TMEM135: variants seen among roughly 807,000 people sequenced by gnomAD.
The protein encoded by TMEM135 is peroxisomal membrane protein 52.
TMEM135 carries 30 observed loss-of-function variants against 60.3 expected under a neutral mutation model. The ratio of observed to expected loss-of-function variants is 0.50; its 90% CI spans 0.37 to 0.68. The LOEUF (loss-of-function observed/expected upper bound fraction) is 0.68. Ranked by LOEUF, TMEM135 falls within the 30% of genes least tolerant of loss-of-function variation. The pLI is 0.00. For synonymous variants in TMEM135, 190 were observed against 186.7 expected, an observed-to-expected ratio of 1.02 and a Z score of -0.14; for missense variants, 468 against 548.8, an observed-to-expected ratio of 0.85 and a Z score of 1.47.
chr11:87,067,756 C>A lies in TMEM135; in HGVS notation c.204C>A (p.Ile68=). 6.2e-7 allele frequency: 1 copy of A among 1,613,944 alleles called. No homozygotes were observed. Among genetic ancestry groups the A allele is most frequent in the Non-Finnish European group, 8.5e-7 (1 of 1,179,930 alleles). ...DYYLHKLLPE[I]LQSASFLTAN... ...ATTTACACAAACTACTCCCTGAGAT[C>A]CTACAATCCGCTTCATTTCTAACTG... The change falls in exon 2 of 15, where the codon ATC becomes ATA. Residue 68 remains isoleucine, a synonymous_variant. Coordinates refer to ENST00000305494, the MANE Select transcript of TMEM135 (RefSeq NM_022918.4).
intron 3 of TMEM135, among the ~76,000 whole-genome samples, chr11:87,072,589 G>C (rs758680291): frequency 6.6e-6 from 1 of 151,978 alleles, no homozygotes; most frequent in East Asian, 1.9e-4. Flanking sequence ...CACCATGTTG[G>C]CCAGGCTGGT....
chr11:87,125,286 A>G (rs1007630202), intron 4 of TMEM135, among the ~76,000 whole-genome samples: 5 of 152,222 alleles, frequency 3.3e-5, no homozygotes, highest in Non-Finnish European at 7.3e-5. Flanking sequence ...TAATCCAATA[A>G]GTAAATAAAT....
intron 4 of TMEM135, among the ~76,000 whole-genome samples, chr11:87,122,165 C>T (rs1028305021): frequency 6.6e-6 from 1 of 152,084 alleles, no homozygotes; most frequent in Non-Finnish European, 1.5e-5. Context: ...TTTCTGCCTA[C>T]ATTATACATA....
intron 6 of TMEM135, among the ~76,000 whole-genome samples, chr11:87,251,762 A>G (rs897741059): frequency 6.6e-6 from 1 of 152,188 alleles, no homozygotes; most frequent in African/African-American, 2.4e-5. Flanking sequence ...GAGAAAAAAC[A>G]CTGAACTAAA....
chr11:87,171,074 C>A (rs1263141384), intron 5 of TMEM135, among the ~76,000 whole-genome samples: 1 of 151,922 alleles, frequency 6.6e-6, no homozygotes, highest in Non-Finnish European at 1.5e-5. Context: ...AAGGCTTTGC[C>A]AGTTAGGAGA....
At chr11:87,095,597 G>C (rs756688501) in intron 4 of TMEM135, 20 of 205,968 alleles carry the variant, frequency 9.7e-5, no homozygotes, top group Non-Finnish European at 1.9e-4. Flanking sequence ...GCCTGCCTAA[G>C]GCAAATTGAT....
At chr11:87,299,343 G>GC (rs1256974696) in intron 7 of TMEM135, among the ~76,000 whole-genome samples, 1 of 152,064 alleles carries the variant, frequency 6.6e-6, no homozygotes, top group Non-Finnish European at 1.5e-5. Flanking sequence ...GAGGGAGAGA[G>GC]CTAGAGTGAG....
intron 5 of TMEM135, among the ~76,000 whole-genome samples, chr11:87,200,637 A>G (rs192387535): frequency 2.5e-4 from 38 of 152,318 alleles, no homozygotes; most frequent in African/African-American, 7.9e-4. Flanking sequence ...CAATGTTCAT[A>G]GTTTACATTA....
At chr11:87,318,943 A>G (rs990022551) in intron 13 of TMEM135, 1 of 179,378 alleles carries the variant, frequency 5.6e-6, no homozygotes, top group Non-Finnish European at 1.1e-5. Flanking sequence ...ATCTCAGCTC[A>G]CTGCAACCTC....
At chr11:87,118,795 A>G (rs755018255) in intron 4 of TMEM135, among the ~76,000 whole-genome samples, 1 of 152,076 alleles carries the variant, frequency 6.6e-6, no homozygotes, top group Non-Finnish European at 1.5e-5. Context: ...TTTTTATGTT[A>G]TGGAGATAGC....
chr11:87,186,382 G>T (rs1360806060), intron 5 of TMEM135, among the ~76,000 whole-genome samples: 1 of 152,148 alleles, frequency 6.6e-6, no homozygotes, highest in Non-Finnish European at 1.5e-5. Flanking sequence ...CCAAGGGACT[G>T]TTGTTACTTC....
chr11:87,311,900 G>A (rs949710382), intron 10 of TMEM135, among the ~76,000 whole-genome samples: 5 of 151,680 alleles, frequency 3.3e-5, no homozygotes, highest in Non-Finnish European at 5.9e-5. Context: ...TATTAATATA[G>A]CTACTTCAAC....
chr11:87,147,867 C>G (rs1938458067), intron 4 of TMEM135, among the ~76,000 whole-genome samples: 1 of 152,198 alleles, frequency 6.6e-6, no homozygotes, highest in African/African-American at 2.4e-5. Context: ...AAGTGATTCT[C>G]CTGCCTCAGC....
chr11:87,179,966 C>G (rs1235255389), intron 5 of TMEM135, among the ~76,000 whole-genome samples: 1 of 151,962 alleles, frequency 6.6e-6, no homozygotes, highest in Non-Finnish European at 1.5e-5. Flanking sequence ...TTTTCTCTGC[C>G]CTTTTCCCCT....
chr11:87,304,197 C>G (rs1182689536), intron 8 of TMEM135, among the ~76,000 whole-genome samples: 1 of 151,996 alleles, frequency 6.6e-6, no homozygotes, highest in Non-Finnish European at 1.5e-5. Flanking sequence ...ATAGCAAGAC[C>G]CTGCCTCTAA....
At chr11:87,053,011 G>T (rs1339263823) in intron 1 of TMEM135, among the ~76,000 whole-genome samples, 1 of 125,844 alleles carries the variant, frequency 7.9e-6, no homozygotes, top group Non-Finnish European at 1.6e-5. Context: ...CATGTCCTTT[G>T]TAGGGACATG....
intron 4 of TMEM135, among the ~76,000 whole-genome samples, chr11:87,145,205 T>C (rs1938380784): frequency 6.6e-6 from 1 of 152,218 alleles, no homozygotes; most frequent in Admixed American, 6.5e-5. Flanking sequence ...TGGGTACGAC[T>C]TATACAGCAT....
At chr11:87,072,143 G>A (rs773951190) in intron 3 of TMEM135, among the ~76,000 whole-genome samples, 53 of 152,166 alleles carry the variant, frequency 3.5e-4, no homozygotes, top group Non-Finnish European at 6.9e-4. Context: ...ACAGTGAGCC[G>A]TGATCATGCC....
At chr11:87,176,998 T>C (rs983281566) in intron 5 of TMEM135, among the ~76,000 whole-genome samples, 6 of 152,186 alleles carry the variant, frequency 3.9e-5, no homozygotes, top group Non-Finnish European at 5.9e-5. Context: ...ATTAATATAA[T>C]ATACATGCTA....
Sources: allele counts gnomAD v4.1 joint callset (sites outside exome capture counted in the v4.1 genomes callset), GRCh38; gene constraint gnomAD v4.1.1; transcripts MANE v1.5; gene names NCBI Gene and HGNC (gene_info 2026-07-23, HGNC 2026-07-21).